The following DNAJC8 variants were observed in gnomAD, a reference collection of about 807,000 sequenced individuals.
The protein encoded by DNAJC8 is DnaJ heat shock protein family (Hsp40) member C8, also known as dnaJ homolog subfamily C member 8.
DNAJC8 carries 24 observed loss-of-function variants against 43.2 expected under a neutral mutation model. That is an observed-to-expected ratio of 0.56 (90% CI 0.40 to 0.78). DNAJC8 has a LOEUF of 0.78. Ranked by LOEUF, DNAJC8 falls within the 30% of genes least tolerant of loss-of-function variation. The pLI is 0.00. For missense variants in DNAJC8, 207 were observed against 299.4 expected, an observed-to-expected ratio of 0.69 and a Z score of 2.28; for synonymous variants, 83 against 98.0, an observed-to-expected ratio of 0.85 and a Z score of 0.90.
Position 28,214,987 on chromosome 1 carries a change from T to G in DNAJC8, c.190A>C (p.Ile64Leu). 1.2e-6 allele frequency: 2 copies of G among 1,608,070 alleles called. No homozygotes were observed. The highest frequency in any genetic ancestry group is 2.2e-5 in the East Asian group (1 of 44,720). ...FNLNPFEVLQ[I>L]DPEVTDEEIK... ...TCTTCATCTGTAACTTCAGGATCTA[T>G]CTGAAGAACCTGGAAGTATCAAAAT... is the stretch of plus-strand genomic sequence containing the variant. The change falls in exon 3 of 9, where the codon ATA (isoleucine) becomes CTA (leucine). Residue 64 changes from isoleucine to leucine, a missense_variant. By Grantham distance (5) the Ile-to-Leu change is conservative. Around this residue, in one of 2 missense-constraint regions of DNAJC8, gnomAD observed 159 missense variants for 267.5 expected, o/e 0.59. Coordinates refer to ENST00000263697, the MANE Select transcript of DNAJC8 (RefSeq NM_014280.3).
chr1:28,202,596 T>C (rs1477341225), intron 8 of DNAJC8, among the ~76,000 whole-genome samples: 1 of 139,846 alleles, frequency 7.2e-6, no homozygotes, highest in Non-Finnish European at 1.5e-5. Flanking sequence ...TTCTTTTTTT[T>C]TTTTTTTTTG....
intron 5 of DNAJC8, 194 bp from the exon 6 acceptor site, chr1:28,208,607 CT>C (rs34311735): frequency 2.7e-6 from 1 of 370,330 alleles, no homozygotes; most frequent in Non-Finnish European, 4.8e-6. Context: ...ACCACAAGTC[CT>C]TTTTCTAATC....
At chr1:28,219,597 A>T (rs900652847) in intron 2 of DNAJC8, among the ~76,000 whole-genome samples, 1 of 152,230 alleles carries the variant, frequency 6.6e-6, no homozygotes, top group Non-Finnish European at 1.5e-5. Context: ...TGCTGGATAA[A>T]GTAACTTGAT....
chr1:28,209,993 TC>T lies in DNAJC8; in HGVS notation c.377del (p.Gly126GlufsTer9), dbSNP rs1295018771. 1 of 1,614,066 alleles carries T rather than the reference TC, an allele frequency of 6.2e-7. No homozygotes were observed. Among genetic ancestry groups the T allele is most frequent in the South Asian group, 1.1e-5 (1 of 91,080 alleles). On this transcript the variant is annotated frameshift_variant, in exon 5 of 9. Transcript: ENST00000263697. LOFTEE classifies it high-confidence loss of function. The stretch of plus-strand genomic sequence containing the variant: ...TTACAGTGTGTTCCACGTATTCTTT[TC>T]CTGCCTGAATTACATCCAGGGCCCT... ...KKRALDVIQAGKEYVEHTVKE... is the reference protein window; with the variant it reads ...KKRALDVIQAXKEYVEHTVKE...
intron 8 of DNAJC8, 65 bp from the exon 9 acceptor site, chr1:28,201,435 TGCCATCCACTC>T (rs1646732669): frequency 6.2e-7 from 1 of 1,604,028 alleles, no homozygotes; most frequent in African/African-American, 1.3e-5. Context: ...AAACCTGGTC[TGCCATCCACTC>T]ACCCTCCTGT....
At chr1:28,216,686 G>GC (rs915102191) in intron 2 of DNAJC8, among the ~76,000 whole-genome samples, 5 of 151,986 alleles carry the variant, frequency 3.3e-5, no homozygotes, top group Admixed American at 2.6e-4. Flanking sequence ...TTTGGGGACA[G>GC]CTGGGCCCAT....
intron 2 of DNAJC8, among the ~76,000 whole-genome samples, chr1:28,217,329 G>A (rs374088030): frequency 6.6e-6 from 1 of 151,788 alleles, no homozygotes; most frequent in African/African-American, 2.4e-5. Flanking sequence ...TTTAGAGATG[G>A]GGTCTCCCTG....
chr1:28,205,103 C>T (rs1457993669), intron 7 of DNAJC8, among the ~76,000 whole-genome samples, 155 bp downstream of exon 7: 1 of 152,188 alleles, frequency 6.6e-6, no homozygotes, highest in Non-Finnish European at 1.5e-5. Flanking sequence ...ACTACTTACC[C>T]TGGTGATTCA....
At chr1:28,208,939 T>TA (rs1646790481) in intron 5 of DNAJC8, 1 of 152,138 alleles carries the variant, frequency 6.6e-6, no homozygotes, top group Non-Finnish European at 1.5e-5. Flanking sequence ...AGATAAAAAA[T>TA]AAATAAATAA....
At chr1:28,225,092 T>C (rs1355613689) in intron 2 of DNAJC8, among the ~76,000 whole-genome samples, 1 of 151,294 alleles carries the variant, frequency 6.6e-6, no homozygotes, top group Non-Finnish European at 1.5e-5. Flanking sequence ...CTGATGATTA[T>C]ATAGTAACAA....
At chr1:28,221,121 C>T (rs1445487877) in intron 2 of DNAJC8, among the ~76,000 whole-genome samples, 1 of 151,708 alleles carries the variant, frequency 6.6e-6, no homozygotes, top group African/African-American at 2.4e-5. Flanking sequence ...GGGTGGATCA[C>T]GAGGTCAGGA....
chr1:28,221,702 C>T (rs1646899490), intron 2 of DNAJC8, among the ~76,000 whole-genome samples: 2 of 152,168 alleles, frequency 1.3e-5, no homozygotes, highest in African/African-American at 4.8e-5. Flanking sequence ...AAAGAACATA[C>T]CATAAATTCT....
intron 6 of DNAJC8, among the ~76,000 whole-genome samples, chr1:28,205,856 C>T (rs1179599917): frequency 1.3e-5 from 2 of 152,092 alleles, no homozygotes; most frequent in African/African-American, 4.8e-5. Flanking sequence ...CCATTGCACC[C>T]CAGCCTGGGC....
intron 2 of DNAJC8, among the ~76,000 whole-genome samples, chr1:28,216,311 G>A (rs1488476436): frequency 6.6e-6 from 1 of 152,188 alleles, no homozygotes; most frequent in Non-Finnish European, 1.5e-5. Context: ...GAAGAGCGAA[G>A]TCACGTAAGA....
At chr1:28,207,372 C>T (rs4387200) in intron 6 of DNAJC8, among the ~76,000 whole-genome samples, 62,927 of 151,670 alleles carry the variant, frequency 0.41, 14,518 homozygotes, top group African/African-American at 0.62. Context: ...AGTAAGACCC[C>T]GTCTCAAACA....
chr1:28,206,052 T>C (rs1368634475), intron 6 of DNAJC8, among the ~76,000 whole-genome samples: 3 of 151,776 alleles, frequency 2.0e-5, no homozygotes, highest in South Asian at 4.1e-4. Flanking sequence ...ATTAACCAGG[T>C]GTGGTGGCGC....
intron 2 of DNAJC8, among the ~76,000 whole-genome samples, chr1:28,217,172 C>T (rs1646862093): frequency 6.6e-6 from 1 of 151,256 alleles, no homozygotes; most frequent in Non-Finnish European, 1.5e-5. Flanking sequence ...TACTTTATTA[C>T]CCAGGCTGGA....
chr1:28,232,417 T>C (rs557188282), intron 1 of DNAJC8, among the ~76,000 whole-genome samples: 1 of 152,314 alleles, frequency 6.6e-6, no homozygotes, highest in African/African-American at 2.4e-5. Context: ...AGCTGTAACC[T>C]ACTGTAAGGC....
chr1:28,205,180 A>G lies in DNAJC8; in HGVS notation c.563+78T>C, dbSNP rs181387169. ...AAATGGTATACTATATAATTCCCTC[A>G]TTAGGAAAATCACCAAAGACCAATG... On this transcript the variant is annotated intron_variant, in intron 7 of 8. Coordinates refer to ENST00000263697, the MANE Select transcript of DNAJC8 (RefSeq NM_014280.3). 399 of 1,112,298 alleles carry G rather than the reference A, an allele frequency of 3.6e-4. 1 individual carries two copies. The African/African-American group carries it at 5.8e-3, about 16-fold the overall frequency. The allele number at this position is 1,112,298 out of a possible 1,614,324, so 68.9% of individuals were successfully genotyped here. A position where few individuals can be genotyped will look rare whatever the true frequency, so the allele number is the denominator to read the frequency against.
Sources: gnomAD v4.1 joint callset for allele counts (sites outside exome capture counted in the v4.1 genomes callset) on GRCh38, gnomAD v4.1.1 for gene constraint, gnomAD v4.1.1 regional missense constraint, MANE v1.5 for transcripts, NCBI Gene and HGNC (gene_info 2026-07-23, HGNC 2026-07-21) for gene names.